The following MYRIP variants were observed in gnomAD, a reference collection of about 807,000 sequenced individuals.
MYRIP encodes rab effector MyRIP.
Under a neutral mutation model 98.0 loss-of-function variants are expected in MYRIP, and 49 were observed. That is an observed-to-expected ratio of 0.50 (90% CI 0.40 to 0.63). The LOEUF is 0.63. Ranked by LOEUF, MYRIP falls within the 30% of genes least tolerant of loss-of-function variation. The pLI is 0.00. For missense variants in MYRIP, 1,004 were observed against 1,058.2 expected (o/e 0.95, Z 0.71); for synonymous variants, 404 against 409.5 (o/e 0.99, Z 0.16).
chr3:40,116,377 C>G (rs1949280087), intron 3 of MYRIP, among the ~76,000 whole-genome samples: 1 of 151,920 alleles, frequency 6.6e-6, no homozygotes, highest in Non-Finnish European at 1.5e-5. Flanking sequence ...TAAGACACAT[C>G]TCTGATACTG....
At chr3:39,988,053 T>C (rs904316041) in intron 2 of MYRIP, among the ~76,000 whole-genome samples, 4 of 151,952 alleles carry the variant, frequency 2.6e-5, no homozygotes, top group Non-Finnish European at 4.4e-5. Context: ...AGTAAACTAT[T>C]GCAAGAACAA....
At chr3:39,847,672 CT>C (rs1942007554) in intron 1 of MYRIP, among the ~76,000 whole-genome samples, 1 of 152,180 alleles carries the variant, frequency 6.6e-6, no homozygotes, top group South Asian at 2.1e-4. Context: ...TCTTGGCTGC[CT>C]GGCCTCCTCT....
intron 1 of MYRIP, among the ~76,000 whole-genome samples, chr3:39,836,730 A>G (rs1941638488): frequency 6.6e-6 from 1 of 152,258 alleles, no homozygotes; most frequent in African/African-American, 2.4e-5. Flanking sequence ...CACCCTGAGC[A>G]GCTCCGCACT....
In MYRIP at chr3:40,167,224, G is replaced by T. The variant is rs776243279; in HGVS notation, c.714G>T (p.Thr238=). Reference sequence around the variant, plus strand: ...AGGAGCTAACTGAGGAACTGGCCACGACAATCCTGCAGAAGGTAGGTGGGT... The same window carrying T: ...AGGAGCTAACTGAGGAACTGGCCACTACAATCCTGCAGAAGGTAGGTGGGT... ...HKEELTEELA[T]TILQKIIRKQ... is the part of the protein sequence containing the mutation. Residue 238 remains threonine (T), a synonymous_variant, in exon 7 of 17, where the codon ACG becomes ACT. Transcript: ENST00000302541. 2 of 1,614,146 alleles carry T rather than the reference G, an allele frequency of 1.2e-6. No homozygotes were observed. Among genetic ancestry groups the T allele is most frequent in the East Asian group, 2.2e-5 (1 of 44,878 alleles).
intron 8 of MYRIP, chr3:40,174,135 A>G (rs528639142): frequency 6.6e-6 from 1 of 152,330 alleles, no homozygotes; most frequent in African/African-American, 2.4e-5. Flanking sequence ...AACACCATCA[A>G]GGATACTGAC....
chr3:39,968,154 A>G (rs532571022), intron 2 of MYRIP, among the ~76,000 whole-genome samples: 44 of 150,318 alleles, frequency 2.9e-4, no homozygotes, highest in African/African-American at 1.0e-3. Context: ...GCCCATTCCT[A>G]TGTCCAGGAT....
At chr3:40,045,531 T>C (rs1947653021) in intron 3 of MYRIP, among the ~76,000 whole-genome samples, 1 of 152,174 alleles carries the variant, frequency 6.6e-6, no homozygotes, top group Non-Finnish European at 1.5e-5. Flanking sequence ...AGAGAGAGGT[T>C]CATCCATGCC....
chr3:40,044,861 G>A (rs957123057), intron 3 of MYRIP, among the ~76,000 whole-genome samples: 29 of 152,304 alleles, frequency 1.9e-4, no homozygotes, highest in Admixed American at 1.6e-3. Flanking sequence ...GCTGTGAAAG[G>A]GGAGATGAAG....
intron 3 of MYRIP, among the ~76,000 whole-genome samples, chr3:40,132,732 C>T (rs1949673221): frequency 6.6e-6 from 1 of 152,232 alleles, no homozygotes; most frequent in Non-Finnish European, 1.5e-5. Context: ...GCCCCTTTAC[C>T]AGCTTTCCTC....
chr3:39,998,024 G>T (rs764695239), intron 2 of MYRIP, among the ~76,000 whole-genome samples: 132 of 152,194 alleles, frequency 8.7e-4, no homozygotes, highest in Non-Finnish European at 1.1e-3. Flanking sequence ...GGTATTGATG[G>T]GACGTATCTC....
chr3:40,163,241 A>G (rs933176839), intron 5 of MYRIP, among the ~76,000 whole-genome samples: 6 of 152,202 alleles, frequency 3.9e-5, no homozygotes, highest in Non-Finnish European at 8.8e-5. Flanking sequence ...TTCAAATAAA[A>G]TTTTATCATT....
At chr3:39,939,589 A>G (rs1181252634) in intron 2 of MYRIP, among the ~76,000 whole-genome samples, 1 of 152,168 alleles carries the variant, frequency 6.6e-6, no homozygotes, top group African/African-American at 2.4e-5. Context: ...GAATTTTTGT[A>G]TCTGCAGAAT....
chr3:39,938,205 T>G (rs1327962096), intron 2 of MYRIP, among the ~76,000 whole-genome samples: 1 of 152,218 alleles, frequency 6.6e-6, no homozygotes, highest in African/African-American at 2.4e-5. Flanking sequence ...CATAAATTAA[T>G]TTGCCTATTT....
At chr3:39,825,985 GTC>G (rs1407811219) in intron 1 of MYRIP, among the ~76,000 whole-genome samples, 1 of 151,880 alleles carries the variant, frequency 6.6e-6, no homozygotes, top group Non-Finnish European at 1.5e-5. Flanking sequence ...GTTTATAATA[GTC>G]TCTCATGAGC....
chr3:40,020,034 T>G (rs191191241), intron 2 of MYRIP, among the ~76,000 whole-genome samples: 2 of 152,318 alleles, frequency 1.3e-5, no homozygotes, highest in East Asian at 3.9e-4. Flanking sequence ...AGCACTGGAT[T>G]GTTACATGGG....
At chr3:40,085,100 A>G (rs1179075015) in intron 3 of MYRIP, among the ~76,000 whole-genome samples, 2 of 149,924 alleles carry the variant, frequency 1.3e-5, no homozygotes, top group East Asian at 4.0e-4. Flanking sequence ...TGTGTTATAT[A>G]TCCACAGATA....
chr3:40,171,686 G>A (rs954440445), intron 8 of MYRIP, among the ~76,000 whole-genome samples: 32 of 152,174 alleles, frequency 2.1e-4, no homozygotes, highest in Admixed American at 1.5e-3. Context: ...GTTTAGTTTC[G>A]TGTCTGTAAA....
chr3:39,850,257 C>T (rs1301805429), intron 1 of MYRIP, among the ~76,000 whole-genome samples: 1 of 152,236 alleles, frequency 6.6e-6, no homozygotes, highest in African/African-American at 2.4e-5. Flanking sequence ...TTCTGCCTCC[C>T]CTGTGGGTCA....
intron 4 of MYRIP, among the ~76,000 whole-genome samples, chr3:40,155,748 G>A (rs1357891536): frequency 3.3e-5 from 5 of 152,034 alleles, no homozygotes; most frequent in East Asian, 3.9e-4. Flanking sequence ...GCCAGTGATG[G>A]CGAGCATTTT....
Sources: allele counts gnomAD v4.1 joint callset (sites outside exome capture counted in the v4.1 genomes callset), GRCh38; gene constraint gnomAD v4.1.1; transcripts MANE v1.5; gene names NCBI Gene and HGNC (gene_info 2026-07-23, HGNC 2026-07-21).